DLC1: variants seen among roughly 807,000 people sequenced by gnomAD.
The protein encoded by DLC1 is DLC1 Rho GTPase activating protein.
In DLC1, 54 loss-of-function variants were observed where a neutral mutation model predicts 140.3. The ratio of observed to expected loss-of-function variants is 0.38; its 90% CI spans 0.31 to 0.48. The LOEUF (loss-of-function observed/expected upper bound fraction) is 0.48, where lower values mean the gene tolerates loss of function less well. Ranked by LOEUF, DLC1 falls within the 20% of genes least tolerant of loss-of-function variation. The probability of loss-of-function intolerance (pLI) is 0.96; values close to 1 mark genes in which losing one functional copy is unlikely to be tolerated. For missense variants in DLC1, 2,536 were observed against 1,907.0 expected (o/e 1.33, Z -6.14); for synonymous variants, 986 against 728.1 (o/e 1.35, Z -5.70).
chr8:13,409,705 A>T (rs1031588308), intron 2 of DLC1, among the ~76,000 whole-genome samples: 10 of 152,154 alleles, frequency 6.6e-5, no homozygotes, highest in African/African-American at 2.4e-4. Context: ...ACTCCAATAG[A>T]GGGGTCTCTC....
chr8:13,554,380 T>G (rs1024329539), intron 1 of DLC1, among the ~76,000 whole-genome samples: 19 of 152,124 alleles, frequency 1.2e-4, no homozygotes, highest in African/African-American at 4.1e-4. Flanking sequence ...GCTTATCACT[T>G]TCAAACTCCT....
chr8:13,437,857 T>C (rs896336073), intron 2 of DLC1, among the ~76,000 whole-genome samples: 2 of 152,130 alleles, frequency 1.3e-5, no homozygotes, highest in Non-Finnish European at 2.9e-5. Flanking sequence ...AAAGGCCATT[T>C]GATGCTGACA....
chr8:13,489,342 C>T (rs1209955005), intron 2 of DLC1, among the ~76,000 whole-genome samples: 1 of 130,672 alleles, frequency 7.7e-6, no homozygotes, highest in Non-Finnish European at 1.6e-5. Context: ...GTCCCCGCCC[C>T]CGGCCCCGAG....
chr8:13,258,825 A>G (rs1230759008), intron 5 of DLC1, among the ~76,000 whole-genome samples: 1 of 152,060 alleles, frequency 6.6e-6, no homozygotes, highest in African/African-American at 2.4e-5. Flanking sequence ...ACTCAATTTC[A>G]TTTTCAAGTA....
intron 2 of DLC1, among the ~76,000 whole-genome samples, chr8:13,449,696 G>T (rs1037495134): frequency 6.6e-6 from 1 of 152,084 alleles, no homozygotes; most frequent in Admixed American, 6.5e-5. Flanking sequence ...GGGAGGGATA[G>T]CATTAGGAGA....
At position 13,425,241 on chromosome 8, in the gene DLC1, A is replaced by G. The variant is rs143801163; in HGVS notation, c.1024-23622T>C. On this transcript the variant is annotated intron_variant, in intron 2 of 17. Transcript: ENST00000276297. ...TCTTGAGCACAGGATGGGAAGAAAA[A>G]TCCTCTAGAAAATTAACCACATGTT... 1.8e-3 allele frequency among the ~76,000 whole-genome samples: 271 copies of G among 152,240 alleles called. 1 individual carries two copies. The highest frequency in any genetic ancestry group is 6.3e-3 in the African/African-American group (263 of 41,552).
chr8:13,601,453 G>A (rs1337339257), intron 1 of DLC1, among the ~76,000 whole-genome samples: 2 of 151,752 alleles, frequency 1.3e-5, no homozygotes, highest in African/African-American at 2.4e-5. Flanking sequence ...CGGATTGTTA[G>A]AGATGGGCCA....
At chr8:13,151,652 G>A (rs960632677) in intron 5 of DLC1, among the ~76,000 whole-genome samples, 9 of 152,170 alleles carry the variant, frequency 5.9e-5, no homozygotes, top group African/African-American at 2.2e-4. Flanking sequence ...TACCTTGATT[G>A]CCATCCAGAA....
intron 1 of DLC1, among the ~76,000 whole-genome samples, chr8:13,512,672 C>T (rs1250689456): frequency 6.6e-6 from 1 of 152,044 alleles, no homozygotes; most frequent in African/African-American, 2.4e-5. Flanking sequence ...GGGGGTGGTG[C>T]TGTAAAATTG....
At chr8:13,174,226 T>G (rs1453247609) in intron 5 of DLC1, among the ~76,000 whole-genome samples, 1 of 152,212 alleles carries the variant, frequency 6.6e-6, no homozygotes, top group Non-Finnish European at 1.5e-5. Flanking sequence ...TACTGTTCCA[T>G]GGTGTATGTG....
intron 2 of DLC1, among the ~76,000 whole-genome samples, chr8:13,421,754 T>C (rs1321732577): frequency 6.6e-6 from 1 of 152,228 alleles, no homozygotes; most frequent in Non-Finnish European, 1.5e-5. Context: ...AAGACCTGTT[T>C]GTTTGCCTTT....
At chr8:13,428,131 C>T (rs1018926673) in intron 2 of DLC1, among the ~76,000 whole-genome samples, 12 of 152,022 alleles carry the variant, frequency 7.9e-5, no homozygotes, top group East Asian at 3.9e-4. Context: ...TTTGTATGGG[C>T]GTGTGTTGTA....
In DLC1 at chr8:13,099,755, T is replaced by C. The variant is rs149156083; in HGVS notation, c.2582A>G (p.Lys861Arg). ...GGAAGAATTGCGTCTCTTCAGTTCC[T>C]TGGGGCTGTCGCTACTGTTTTCCCT... The part of the protein sequence containing the change: ...LRRENSSDSP[K>R]ELKRRNSSSS... The change falls in exon 9 of 18, where the codon AAG (lysine) becomes AGG (arginine). Residue 861 changes from lysine to arginine, a missense_variant. Lys to Arg is a conservative substitution (Grantham distance 26). Coordinates refer to ENST00000276297, the MANE Select transcript of DLC1 (RefSeq NM_182643.3). The C allele has an allele frequency of 1.9e-6, 3 of 1,614,162 alleles. No homozygotes were observed. The highest frequency in any genetic ancestry group is 2.2e-5 in the East Asian group (1 of 44,874).
At chr8:13,426,788 T>TA (rs34901466) in intron 2 of DLC1, among the ~76,000 whole-genome samples, 45,464 of 151,590 alleles carry the variant, frequency 0.3, 7,047 homozygotes, top group Middle Eastern at 0.39. Context: ...TATATATATA[T>TA]TTTTCCTTCT....
intron 5 of DLC1, among the ~76,000 whole-genome samples, chr8:13,213,016 C>T (rs1160198723): frequency 6.6e-6 from 1 of 152,184 alleles, no homozygotes; most frequent in African/African-American, 2.4e-5. Flanking sequence ...GGAATCCTCA[C>T]ATTTCAAAAA....
At chr8:13,438,650 C>T (rs1407394875) in intron 2 of DLC1, among the ~76,000 whole-genome samples, 3 of 152,282 alleles carry the variant, frequency 2.0e-5, no homozygotes, top group African/African-American at 4.8e-5. Context: ...AAACTTCCCA[C>T]ATTGAGTCCT....
At chr8:13,291,959 A>T (rs1014112731) in intron 5 of DLC1, among the ~76,000 whole-genome samples, 1 of 147,372 alleles carries the variant, frequency 6.8e-6, no homozygotes, top group South Asian at 2.2e-4. Flanking sequence ...TTCTACCAGG[A>T]AACAGACAAA....
chr8:13,203,713 C>T (rs1477732115), intron 5 of DLC1, among the ~76,000 whole-genome samples: 1 of 152,106 alleles, frequency 6.6e-6, no homozygotes, highest in African/African-American at 2.4e-5. Context: ...AAATATTCCT[C>T]AGGATTATTG....
At chr8:13,492,441 G>A (rs989868642) in intron 2 of DLC1, among the ~76,000 whole-genome samples, 8 of 144,126 alleles carry the variant, frequency 5.6e-5, no homozygotes, top group African/African-American at 1.5e-4. Flanking sequence ...CAAATGACCA[G>A]TGCTATTTTT....
Sources: allele counts gnomAD v4.1 joint callset (sites outside exome capture counted in the v4.1 genomes callset), GRCh38; gene constraint gnomAD v4.1.1; transcripts MANE v1.5; gene names NCBI Gene and HGNC (gene_info 2026-07-23, HGNC 2026-07-21).